The following ZNF236 variants were observed in gnomAD, a reference collection of about 807,000 sequenced individuals.
The protein encoded by ZNF236 is regulated by glucose.
A neutral mutation model predicts 191.2 loss-of-function variants in ZNF236; 50 were observed. That is an observed-to-expected ratio of 0.26 (90% CI 0.21 to 0.33). ZNF236 has a LOEUF of 0.33. ZNF236 is among the 10% of genes least tolerant of loss of function. The pLI is 1.00. For missense variants in ZNF236, 1,754 were observed against 2,374.5 expected, an observed-to-expected ratio of 0.74 and a Z score of 5.43; for synonymous variants, 907 against 928.8, an observed-to-expected ratio of 0.98 and a Z score of 0.43.
At chr18:76,884,725 C>G (rs1599363027) in intron 9 of ZNF236, among the ~76,000 whole-genome samples, 2 of 152,228 alleles carry the variant, frequency 1.3e-5, no homozygotes, top group East Asian at 3.9e-4. Context: ...CTCTTAGACT[C>G]ATCTGCTTTT....
intron 20 of ZNF236, 91 bp from the exon 21 acceptor site, chr18:76,922,980 G>A (rs1967580077): frequency 6.3e-6 from 6 of 955,616 alleles, no homozygotes; most frequent in South Asian, 5.9e-5. Context: ...TAAGCAGAAC[G>A]TAGTAACACC....
chr18:76,870,059 C>G (rs1976537325), intron 4 of ZNF236, among the ~76,000 whole-genome samples: 2 of 152,228 alleles, frequency 1.3e-5, no homozygotes, highest in Admixed American at 6.5e-5. Flanking sequence ...TAGGAAATAT[C>G]TGTACTTCTT....
chr18:76,827,244 G>A (rs1975044527), intron 1 of ZNF236, among the ~76,000 whole-genome samples: 1 of 151,898 alleles, frequency 6.6e-6, no homozygotes, highest in Non-Finnish European at 1.5e-5. Flanking sequence ...GGAGTGCAGT[G>A]GCTTGATCTC....
At chr18:76,959,409 G>A (rs890877567) in intron 28 of ZNF236, among the ~76,000 whole-genome samples, 2 of 152,182 alleles carry the variant, frequency 1.3e-5, no homozygotes, top group South Asian at 2.1e-4. Context: ...TGATGAAGGA[G>A]ATATTTCTAC....
intron 9 of ZNF236, among the ~76,000 whole-genome samples, chr18:76,890,446 T>G (rs1377376467): frequency 6.6e-6 from 1 of 152,208 alleles, no homozygotes; most frequent in Non-Finnish European, 1.5e-5. Flanking sequence ...TGATAACAAA[T>G]GAAAAGGATT....
At chr18:76,943,106 G>A (rs1968175621) in intron 26 of ZNF236, among the ~76,000 whole-genome samples, 1 of 121,784 alleles carries the variant, frequency 8.2e-6, no homozygotes, top group African/African-American at 3.1e-5. Context: ...CTGGGCGACA[G>A]AGTGAGACTC....
chr18:76,883,256 C>T (rs1599361575), intron 9 of ZNF236, among the ~76,000 whole-genome samples: 1 of 151,942 alleles, frequency 6.6e-6, no homozygotes. Context: ...ACTTTCTGGA[C>T]TACTTGAATC....
At chr18:76,852,615 C>T (rs1055391427) in intron 3 of ZNF236, among the ~76,000 whole-genome samples, 1 of 150,338 alleles carries the variant, frequency 6.7e-6, no homozygotes, top group African/African-American at 2.4e-5. Context: ...GCCTGGACAA[C>T]ATAGTGAGAC....
chr18:76,936,886 G>C (rs1968014785), intron 25 of ZNF236, among the ~76,000 whole-genome samples: 1 of 151,682 alleles, frequency 6.6e-6, no homozygotes, highest in Non-Finnish European at 1.5e-5. Context: ...CTGAGACTAT[G>C]GGGTCACATT....
chr18:76,873,896 C>T (rs1976645486), intron 5 of ZNF236, among the ~76,000 whole-genome samples: 1 of 150,490 alleles, frequency 6.6e-6, no homozygotes, highest in African/African-American at 2.5e-5. Context: ...TCGTCCTCTC[C>T]TGTCCCCATG....
In ZNF236 at chr18:76,881,355, G is replaced by T; in HGVS notation, c.1260G>T (p.Lys420Asn). 6.2e-7 allele frequency: 1 copy of T among 1,614,044 alleles called. No individual in the cohort carries two copies. Among genetic ancestry groups the T allele is most frequent in the Non-Finnish European group, 8.5e-7 (1 of 1,180,022 alleles). ...ATCCTAATGACTCCTGCCATGCCAA[G>T]ACCTCTGCACCACACGCTCAAAACC... ...AAHPNDSCHA[K>N]TSAPHAQNPD... The change falls in exon 9 of 31, where the codon AAG (lysine) becomes AAT (asparagine). Residue 420 changes from lysine (K) to asparagine (N), a missense_variant. Lys to Asn is a moderately conservative substitution (Grantham distance 94, BLOSUM62 0). Transcript: ENST00000320610.
intron 19 of ZNF236, 73 bp downstream of exon 19, chr18:76,915,932 C>A: frequency 6.9e-7 from 1 of 1,440,788 alleles, no homozygotes. Context: ...CACAAATCAC[C>A]GTGAGTATTT....
At chr18:76,879,987 A>G in intron 7 of ZNF236, 126 bp from the exon 8 acceptor site, 1 of 840,302 alleles carries the variant, frequency 1.2e-6, no homozygotes. Flanking sequence ...TTTAAAATTT[A>G]TGTTTAGGAT....
intron 26 of ZNF236, among the ~76,000 whole-genome samples, chr18:76,938,796 C>A: frequency 6.6e-6 from 1 of 152,162 alleles, no homozygotes; most frequent in Non-Finnish European, 1.5e-5. Flanking sequence ...TGTAGCCAAG[C>A]AGCCCTGCCT....
At chr18:76,930,083 T>C (rs145389218) in intron 25 of ZNF236, among the ~76,000 whole-genome samples, 1 of 152,344 alleles carries the variant, frequency 6.6e-6, no homozygotes, top group Non-Finnish European at 1.5e-5. Context: ...CAGTTATTAA[T>C]AAAAAGGTAT....
At position 76,969,802 on chromosome 18, in the gene ZNF236, G is replaced by T. The variant is rs1016440161; in HGVS notation, c.*1463G>T. The T allele has an allele frequency of 2.0e-5, 3 of 152,412 alleles. No homozygotes were observed. Among genetic ancestry groups the T allele is most frequent in the Non-Finnish European group, 4.4e-5 (3 of 67,976 alleles). 9.4% of individuals were successfully genotyped at this position (152,412 alleles called of 1,614,324 possible). On this transcript the variant is annotated 3_prime_UTR_variant, in exon 31 of 31. Coordinates refer to ENST00000320610, the MANE Select transcript of ZNF236 (RefSeq NM_001306089.2). ...AAGGGCATCTTTTGATTTTTTTGTTGTTGTTGTTCACTTTTGGCATATGTA... is the reference window on the plus strand; with the variant it reads ...AAGGGCATCTTTTGATTTTTTTGTTTTTGTTGTTCACTTTTGGCATATGTA...
intron 30 of ZNF236, among the ~76,000 whole-genome samples, chr18:76,962,851 G>T (rs1487718836): frequency 6.6e-6 from 1 of 151,990 alleles, no homozygotes; most frequent in East Asian, 1.9e-4. Flanking sequence ...TGTAAAAGGG[G>T]TTGACTCCTT....
chr18:76,834,936 C>A, intron 1 of ZNF236: 1 of 199,354 alleles, frequency 5.0e-6, no homozygotes, highest in Admixed American at 5.8e-5. Flanking sequence ...AAGAGAACTA[C>A]ATATACGCCG....
At position 76,915,730 on chromosome 18, in the gene ZNF236, A is replaced by G. The variant is rs536990591; in HGVS notation, c.3145A>G (p.Ser1049Gly). The G allele has an allele frequency of 6.2e-7, 1 of 1,614,148 alleles. No individual in the cohort carries two copies. The highest frequency in any genetic ancestry group is 1.3e-5 in the African/African-American group (1 of 75,028). Residue 1049 changes from serine to glycine, a missense_variant, in exon 19 of 31, where the codon AGC becomes GGC. By Grantham distance (56) the Ser-to-Gly change is moderately conservative (BLOSUM62 0). This residue lies in a region of ZNF236 where 641 missense variants were observed against 869.6 expected (regional missense o/e 0.74). Transcript: ENST00000320610. ...CACCCGGCACATGGCCACACATATGAGCATGAAGCCTTATAAGTGTCCGTT... is the reference window on the plus strand; with the variant it reads ...CACCCGGCACATGGCCACACATATGGGCATGAAGCCTTATAAGTGTCCGTT... Reference protein sequence around the residue: ...SLTRHMATHMSMKPYKCPFCE... With the variant: ...SLTRHMATHMGMKPYKCPFCE...
Sources: allele counts gnomAD v4.1 joint callset (sites outside exome capture counted in the v4.1 genomes callset), GRCh38; gene constraint gnomAD v4.1.1; regional missense constraint gnomAD v4.1.1; transcripts MANE v1.5; gene names NCBI Gene and HGNC (gene_info 2026-07-23, HGNC 2026-07-21).